The following MAP4 variants were observed in gnomAD, a reference collection of about 807,000 sequenced individuals.
The protein encoded by MAP4 is microtubule-associated protein 4.
A neutral mutation model predicts 170.2 loss-of-function variants in MAP4; 76 were observed. That is an observed-to-expected ratio of 0.45 (90% CI 0.37 to 0.54). The LOEUF is 0.54. MAP4 is among the 20% of genes least tolerant of loss of function. MAP4 has a pLI of 0.00. For synonymous variants in MAP4, 909 were observed against 994.5 expected (o/e 0.91, Z 1.62); for missense variants, 2,506 against 2,748.0 (o/e 0.91, Z 1.97).
chr3:47,975,428 G>A (rs1234058575), intron 3 of MAP4: 2 of 1,566,240 alleles, frequency 1.3e-6, no homozygotes, highest in Non-Finnish European at 1.7e-6. Flanking sequence ...CTGGTCTGGT[G>A]TTGCAGCAGC....
At position 47,869,712 on chromosome 3, in the gene MAP4, C is replaced by CG. The variant is rs1171772250; in HGVS notation, c.6295-386dup. Among the ~76,000 whole-genome samples, 4 of 152,206 alleles carry CG rather than the reference C, an allele frequency of 2.6e-5. No homozygotes were observed. In the East Asian group the frequency reaches 7.7e-4, roughly 29 times the overall value. ...CCTGATATGCCCCAAGCAGCTGCCA[C>CG]GGTCACAGGAAGTCAATACTGATAG... On this transcript the variant is annotated intron_variant, in intron 15 of 20. Coordinates refer to ENST00000683076, the MANE Select transcript of MAP4 (RefSeq NM_001385682.1).
rs375593699 is a variant in MAP4, at chr3:47,998,670, T to G, written c.191A>C (p.Lys64Thr). The change falls in exon 2 of 21, where the codon AAG becomes ACG. Residue 64 changes from lysine (K) to threonine (T), a missense_variant. Physicochemically the swap from Lys to Thr is moderately conservative, Grantham distance 78 (BLOSUM62 -1). This residue lies in a region of MAP4 where 2,008 missense variants were observed against 2,206.0 expected (regional missense o/e 0.91). Transcript: ENST00000683076. ...DEKTGNSESK[K>T]KPCSETSQIE... ...CTGGCTAGTTTCTGAGCACGGTTTCTTCTTTGACTCTGAGTTCCCGGTTTT... is the reference window on the plus strand; with the variant it reads ...CTGGCTAGTTTCTGAGCACGGTTTCGTCTTTGACTCTGAGTTCCCGGTTTT... 7.4e-6 allele frequency: 12 copies of G among 1,614,178 alleles called. No homozygotes were observed. Among genetic ancestry groups the G allele is most frequent in the Non-Finnish European group, 1.0e-5 (12 of 1,180,008 alleles).
rs1385329093 is a variant in MAP4 at position 47,850,858 on chromosome 3, C to G, written c.*2076G>C. 6.7e-6 allele frequency: 1 copy of G among 148,422 alleles called. No individual in the cohort carries two copies. Among genetic ancestry groups the G allele is most frequent in the African/African-American group, 2.6e-5 (1 of 39,028 alleles). 9.2% of individuals were successfully genotyped at this position (148,422 alleles called of 1,614,324 possible). ...CATCACACAGGGCCTCTGGTCCCGGCCTTCTCAGGTGCTCTGGAGTGGAGG... is the reference window on the plus strand; with the variant it reads ...CATCACACAGGGCCTCTGGTCCCGGGCTTCTCAGGTGCTCTGGAGTGGAGG... On this transcript the variant is annotated 3_prime_UTR_variant, in exon 21 of 21. Transcript: ENST00000683076.
At chr3:47,897,067 C>T (rs1183116335) in intron 10 of MAP4, among the ~76,000 whole-genome samples, 1 of 152,184 alleles carries the variant, frequency 6.6e-6, no homozygotes, top group Non-Finnish European at 1.5e-5. Flanking sequence ...TTCTGACTGC[C>T]AGTCTTCCCA....
intron 3 of MAP4, among the ~76,000 whole-genome samples, chr3:47,971,168 A>G (rs2100078508): frequency 6.6e-6 from 1 of 152,234 alleles, no homozygotes; most frequent in Non-Finnish European, 1.5e-5. Context: ...TAACTGGAAA[A>G]TGAAAGAAAA....
chr3:47,985,838 T>C (rs1440169357), intron 2 of MAP4, among the ~76,000 whole-genome samples: 1 of 152,174 alleles, frequency 6.6e-6, no homozygotes, highest in Non-Finnish European at 1.5e-5. Context: ...GTTGAATCTG[T>C]TGGGACAACT....
At chr3:47,937,089 A>G (rs2100053416) in intron 3 of MAP4, among the ~76,000 whole-genome samples, 1 of 152,106 alleles carries the variant, frequency 6.6e-6, no homozygotes, top group South Asian at 2.1e-4. Flanking sequence ...TTAGAGCTAC[A>G]CTACTCATCC....
At chr3:48,026,994 T>C (rs2100113435) in intron 1 of MAP4, among the ~76,000 whole-genome samples, 1 of 152,150 alleles carries the variant, frequency 6.6e-6, no homozygotes, top group Non-Finnish European at 1.5e-5. Context: ...CACCCATTAC[T>C]ATGTACACAT....
Position 47,911,034 on chromosome 3 carries a change from A to G in MAP4, c.3387T>C (p.Thr1129=). 2 of 1,536,156 alleles carry G rather than the reference A, an allele frequency of 1.3e-6. No individual in the cohort carries two copies. Among genetic ancestry groups the G allele is most frequent in the Non-Finnish European group, 1.7e-6 (2 of 1,146,892 alleles). The change falls in exon 9 of 21, where the codon ACT becomes ACC. Residue 1129 remains threonine, a synonymous_variant. Transcript: ENST00000683076. This position sits in a 1 kb window ranked among gnomAD's most constrained non-coding sequence, Gnocchi z 4.0. ...LGLNSSKQPG[T]KADLTEAVVM... is the part of the protein sequence containing the mutation. The stretch of plus-strand genomic sequence containing the variant: ...CCACTGCCTCCGTGAGATCAGCCTT[A>G]GTGCCTGGTTGCTTTGAAGAATTCA...
At chr3:47,860,076 C>T (rs962575090) in intron 17 of MAP4, among the ~76,000 whole-genome samples, 1 of 152,220 alleles carries the variant, frequency 6.6e-6, no homozygotes, top group African/African-American at 2.4e-5. Flanking sequence ...CTGGTAGCTG[C>T]TTAAACCAAC....
At position 47,987,146 on chromosome 3, in the gene MAP4, T is replaced by C. The variant is rs117077631; in HGVS notation, c.224-9213A>G. Among the ~76,000 whole-genome samples the C allele has an allele frequency of 9.4e-3, 1,426 of 152,314 alleles. 11 individuals carry two copies. The highest frequency in any genetic ancestry group is 0.021 in the East Asian group (108 of 5,194). On this transcript the variant is annotated intron_variant, in intron 2 of 20. Transcript: ENST00000683076. ...TTCTCCATGATTCTCTCCGGTCACT[T>C]GTCACTGTAACCTTTGATTTCTTAA...
intron 1 of MAP4, among the ~76,000 whole-genome samples, chr3:48,059,074 C>T (rs952363236): frequency 1.3e-5 from 2 of 152,018 alleles, no homozygotes; most frequent in Non-Finnish European, 2.9e-5. Flanking sequence ...CCACCGTGCC[C>T]GGCATTACAA....
At chr3:47,853,118 TGGCAGGGCCCCTGGCTGG>T in intron 20 of MAP4, 27 bp downstream of exon 20, 1 of 1,612,142 alleles carries the variant, frequency 6.2e-7, no homozygotes, top group Non-Finnish European at 8.5e-7. Flanking sequence ...TTGCGGCCAG[TGGCAGGGCCCCTGGCTGG>T]CCCTTAGGCC....
Position 47,855,498 on chromosome 3 carries a change from C to T in MAP4, c.6584-138G>A, listed in dbSNP as rs141546238. On this transcript the variant is annotated intron_variant, in intron 18 of 20. Transcript: ENST00000683076. This position sits in a 1 kb window ranked among gnomAD's most constrained non-coding sequence, Gnocchi z 5.1. The stretch of plus-strand genomic sequence containing the variant: ...GGTGGCAAATGAAGAACAGTGAACA[C>T]GTTTGTCTAAAGAGGACTTCTCATA... The T allele has an allele frequency of 3.8e-5, 25 of 654,286 alleles. No homozygotes were observed. Among genetic ancestry groups the T allele is most frequent in the Middle Eastern group, 2.8e-4 (1 of 3,610 alleles). 40.5% of individuals were successfully genotyped at this position (654,286 alleles called of 1,614,324 possible). A position where few individuals can be genotyped will look rare whatever the true frequency, so the allele number is the denominator to read the frequency against.
intron 8 of MAP4, among the ~76,000 whole-genome samples, chr3:47,914,405 C>T (rs1291001682): frequency 6.6e-6 from 1 of 151,960 alleles, no homozygotes; most frequent in Admixed American, 6.6e-5. Context: ...TAAAAATTAG[C>T]CGGGCATGGT....
chr3:47,891,158 A>G, intron 10 of MAP4: 1 of 1,536,192 alleles, frequency 6.5e-7, no homozygotes, highest in Non-Finnish European at 8.7e-7. Context: ...GCATGAATCA[A>G]TTCTAGTTTC....
intron 7 of MAP4, among the ~76,000 whole-genome samples, 170 bp from the exon 8 acceptor site, chr3:47,915,109 T>A (rs201981811): frequency 6.6e-6 from 1 of 151,844 alleles, no homozygotes; most frequent in Non-Finnish European, 1.5e-5. Context: ...TGTCTAGTTA[T>A]GTTACTTTTT....
At chr3:47,990,842 A>ATT (rs11447489) in intron 2 of MAP4, among the ~76,000 whole-genome samples, 1 of 152,152 alleles carries the variant, frequency 6.6e-6, no homozygotes, top group African/African-American at 2.4e-5. Context: ...TTTTCTTTTT[A>ATT]TTTTTTTCTT....
intron 1 of MAP4, among the ~76,000 whole-genome samples, chr3:48,033,355 T>G (rs1231947854): frequency 6.6e-6 from 1 of 152,228 alleles, no homozygotes; most frequent in Non-Finnish European, 1.5e-5. Context: ...TTATCTTCTA[T>G]TTAACTATCA....
Sources: allele counts gnomAD v4.1 joint callset (sites outside exome capture counted in the v4.1 genomes callset), GRCh38; gene constraint gnomAD v4.1.1; regional missense constraint gnomAD v4.1.1; non-coding constraint Gnocchi (gnomAD v3.1); transcripts MANE v1.5; gene names NCBI Gene and HGNC (gene_info 2026-07-23, HGNC 2026-07-21).